Variants in MAOA observed in about 807,000 individuals in gnomAD.
MAOA encodes monoamine oxidase A.
In MAOA, 6 loss-of-function variants were observed where a neutral mutation model predicts 42.0. The observed-to-expected ratio is 0.14, with a 90% CI of 0.08 to 0.28. The LOEUF (loss-of-function observed/expected upper bound fraction) is 0.28, where lower values mean the gene tolerates loss of function less well. Ranked by LOEUF, MAOA falls within the 10% of genes least tolerant of loss-of-function variation. MAOA has a pLI of 1.00. For missense variants in MAOA, 262 were observed against 422.3 expected (o/e 0.62, Z 3.33); for synonymous variants, 140 against 154.0 (o/e 0.91, Z 0.67).
At chrX:43,656,555 A>C (rs1328830728) in intron 1 of MAOA, 141 bp downstream of exon 1, 1 of 569,623 alleles carries the variant, frequency 1.8e-6, no homozygotes, top group African/African-American at 2.3e-5. Context: ...ATATCCTGCG[A>C]GGTAGGAGTG....
At chrX:43,661,059 G>A (rs914796391) in intron 1 of MAOA, among the ~76,000 whole-genome samples, 1 of 111,991 alleles carries the variant, frequency 8.9e-6, no homozygotes, top group Non-Finnish European at 1.9e-5. Context: ...ACAGCACCTC[G>A]CTAGTGATTA....
chrX:43,699,572 GT>G (rs1301809507), intron 3 of MAOA, among the ~76,000 whole-genome samples: 3 of 111,188 alleles, frequency 2.7e-5, no homozygotes, highest in Non-Finnish European at 5.7e-5. Flanking sequence ...CCACCCATTT[GT>G]TTTTAGAGAG....
intron 3 of MAOA, among the ~76,000 whole-genome samples, chrX:43,699,217 C>A (rs1362033503): frequency 1.8e-5 from 2 of 111,808 alleles, no homozygotes; most frequent in Non-Finnish European, 3.8e-5. Context: ...GACCTGAATG[C>A]CAAGTGGATT....
intron 11 of MAOA, among the ~76,000 whole-genome samples, chrX:43,741,727 C>T (rs2033961493): frequency 8.9e-6 from 1 of 111,829 alleles, no homozygotes; most frequent in Admixed American, 9.5e-5. Flanking sequence ...TCATGTCTTC[C>T]CTAATCAAGA....
At chrX:43,694,801 A>C (rs1323200024) in intron 3 of MAOA, among the ~76,000 whole-genome samples, 1 of 111,815 alleles carries the variant, frequency 8.9e-6, no homozygotes, top group Non-Finnish European at 1.9e-5. Context: ...GCGCTCAACT[A>C]CTAATTAAAC....
chrX:43,733,551 C>T (rs933109246), intron 9 of MAOA, among the ~76,000 whole-genome samples: 2 of 111,957 alleles, frequency 1.8e-5, no homozygotes, highest in Non-Finnish European at 3.8e-5. Flanking sequence ...TCCCTCTTGC[C>T]TGCCTTTTGG....
chrX:43,744,095 T>C lies in MAOA; in HGVS notation c.1375-14T>C, dbSNP rs1306125167. ...ACAGCCTCTTTTCATAATACCATGG[T>C]GACTTTCTTTCAGGTCTTAAATGGT... On this transcript the variant is annotated splice_polypyrimidine_tract_variant and intron_variant, in intron 13 of 14. Coordinates refer to ENST00000338702, the MANE Select transcript of MAOA (RefSeq NM_000240.4). 3.3e-6 allele frequency: 4 copies of C among 1,204,416 alleles called. No individual in the cohort carries two copies. The highest frequency in any genetic ancestry group is 3.5e-5 in the South Asian group (2 of 56,526).
chrX:43,671,428 C>A (rs1425395673), intron 1 of MAOA, among the ~76,000 whole-genome samples: 3 of 112,199 alleles, frequency 2.7e-5, no homozygotes, highest in African/African-American at 9.7e-5. Context: ...TTTTGCTGTG[C>A]AGAAGCTCTT....
chrX:43,729,111 C>G (rs2033861291), intron 6 of MAOA, among the ~76,000 whole-genome samples: 2 of 112,273 alleles, frequency 1.8e-5, no homozygotes, highest in African/African-American at 6.5e-5. Context: ...CTTTCTCTGC[C>G]AAGTGAATTA....
chrX:43,710,563 A>T (rs1201245822), intron 3 of MAOA, among the ~76,000 whole-genome samples: 1 of 112,606 alleles, frequency 8.9e-6, no homozygotes. Context: ...TGTTTTAATT[A>T]AAAAAATCAA....
chrX:43,697,110 C>T (rs756700233), intron 3 of MAOA, among the ~76,000 whole-genome samples: 14 of 112,376 alleles, frequency 1.2e-4, no homozygotes, highest in African/African-American at 1.6e-4. Flanking sequence ...GGGGTTATTG[C>T]GCCATTTCAC....
chrX:43,668,293 A>G (rs1430300005), intron 1 of MAOA, among the ~76,000 whole-genome samples: 3 of 112,215 alleles, frequency 2.7e-5, no homozygotes, highest in African/African-American at 9.7e-5. Flanking sequence ...TTATGTTCAC[A>G]TTTTTTTAAC....
At chrX:43,736,576 C>T (rs1249632799) in intron 10 of MAOA, among the ~76,000 whole-genome samples, 2 of 111,433 alleles carry the variant, frequency 1.8e-5, no homozygotes, top group African/African-American at 6.5e-5. Flanking sequence ...CTGTAGAAAC[C>T]GAATCCCAAT....
chrX:43,725,640 G>C (rs1366896473), intron 5 of MAOA, among the ~76,000 whole-genome samples: 1 of 111,710 alleles, frequency 9.0e-6, no homozygotes, highest in Non-Finnish European at 1.9e-5. Context: ...GCCAGTCTGT[G>C]TCTTTTAATT....
intron 5 of MAOA, among the ~76,000 whole-genome samples, chrX:43,713,119 G>A (rs746485106): frequency 1.6e-4 from 18 of 112,374 alleles, no homozygotes; most frequent in Admixed American, 1.1e-3. Context: ...TTTTAAAAAT[G>A]TGGTACATTT....
chrX:43,678,942 T>C (rs1296991408), intron 1 of MAOA, among the ~76,000 whole-genome samples: 1 of 111,807 alleles, frequency 8.9e-6, no homozygotes, highest in Non-Finnish European at 1.9e-5. Context: ...CCAGTAAACA[T>C]GCAAACTGAA....
At chrX:43,706,342 A>T (rs1302457606) in intron 3 of MAOA, among the ~76,000 whole-genome samples, 2 of 112,164 alleles carry the variant, frequency 1.8e-5, no homozygotes, top group Non-Finnish European at 3.8e-5. Context: ...GAGGAAAACT[A>T]TTTTTTTAAA....
chrX:43,739,163 G>T (rs1042730180), intron 10 of MAOA, among the ~76,000 whole-genome samples: 4 of 112,135 alleles, frequency 3.6e-5, no homozygotes, highest in African/African-American at 1.3e-4. Context: ...CTTGAATCAG[G>T]CTGAGAGAGA....
Position 43,709,105 on chromosome X carries a change from C to T in MAOA, c.307-2767C>T, listed in dbSNP as rs184983396. On this transcript the variant is annotated intron_variant, in intron 3 of 14. Coordinates refer to ENST00000338702, the MANE Select transcript of MAOA (RefSeq NM_000240.4). ...TCTCAAACTCCTGACCTCAGGTGAT[C>T]TGCCTGTCTCAGCCTCTCAAAGTGC... Among the ~76,000 whole-genome samples the T allele has an allele frequency of 3.3e-3, 368 of 111,121 alleles. 2 individuals are homozygous for T. Among genetic ancestry groups the T allele is most frequent in the African/African-American group, 0.011 (347 of 30,526 alleles).
Sources: gnomAD v4.1 joint callset for allele counts (sites outside exome capture counted in the v4.1 genomes callset) on GRCh38, gnomAD v4.1.1 for gene constraint, MANE v1.5 for transcripts, NCBI Gene and HGNC (gene_info 2026-07-23, HGNC 2026-07-21) for gene names.